Variants in PAK4 observed in about 807,000 individuals in gnomAD.
The protein encoded by PAK4 is p21 (RAC1) activated kinase 4.
A neutral mutation model predicts 53.5 loss-of-function variants in PAK4; 49 were observed. That is an observed-to-expected ratio of 0.92 (90% CI 0.73 to 1.16). The LOEUF (loss-of-function observed/expected upper bound fraction) is 1.16. PAK4 is among the 50% of genes most tolerant of loss of function. PAK4 has a pLI of 0.00. For missense variants in PAK4, 824 were observed against 850.7 expected (o/e 0.97, Z 0.39); for synonymous variants, 376 against 375.6 (o/e 1.00, Z -0.01).
chr19:39,144,586 T>C (rs1159553716), intron 1 of PAK4, among the ~76,000 whole-genome samples: 1 of 152,166 alleles, frequency 6.6e-6, no homozygotes, highest in African/African-American at 2.4e-5. Context: ...GGGACTGGGA[T>C]TGGAGCAGGA....
intron 1 of PAK4, among the ~76,000 whole-genome samples, chr19:39,139,463 C>T (rs1270305494): frequency 2.0e-5 from 3 of 152,106 alleles, no homozygotes; most frequent in African/African-American, 4.8e-5. Flanking sequence ...GGCGGCTGGA[C>T]CAGGAACACC....
intron 1 of PAK4, among the ~76,000 whole-genome samples, chr19:39,151,388 A>T (rs746857520): frequency 1.3e-5 from 2 of 152,250 alleles, no homozygotes; most frequent in Non-Finnish European, 2.9e-5. Flanking sequence ...CCGAGGGGAG[A>T]TAGGCCCTGG....
chr19:39,141,238 G>A (rs2073903914), intron 1 of PAK4, among the ~76,000 whole-genome samples: 1 of 151,946 alleles, frequency 6.6e-6, no homozygotes. Context: ...AATCCCAAAC[G>A]TCGTACAGCC....
At chr19:39,128,716 C>A (rs1247231853) in intron 1 of PAK4, among the ~76,000 whole-genome samples, 1 of 151,980 alleles carries the variant, frequency 6.6e-6, no homozygotes, top group Admixed American at 6.6e-5. Context: ...CTCCTCCTCA[C>A]CCCCCCTCCT....
intron 1 of PAK4, among the ~76,000 whole-genome samples, chr19:39,136,662 G>T (rs1177034401): frequency 1.3e-5 from 2 of 152,206 alleles, no homozygotes; most frequent in Non-Finnish European, 2.9e-5. Flanking sequence ...GTAGCCTCAG[G>T]GCATGGGGGT....
chr19:39,154,097 T>C (rs910967744), intron 1 of PAK4, among the ~76,000 whole-genome samples: 1 of 152,188 alleles, frequency 6.6e-6, no homozygotes, highest in Non-Finnish European at 1.5e-5. Flanking sequence ...CTCCCTATCA[T>C]GTGCGGTGCC....
intron 1 of PAK4, among the ~76,000 whole-genome samples, chr19:39,140,159 T>C (rs1568500984): frequency 6.6e-6 from 1 of 152,178 alleles, no homozygotes; most frequent in Non-Finnish European, 1.5e-5. Flanking sequence ...CTGCCTCTTA[T>C]CTCCCTTCCC....
chr19:39,161,263 A>G lies in PAK4; in HGVS notation c.-22-8269A>G, dbSNP rs974451014. Among the ~76,000 whole-genome samples the G allele has an allele frequency of 1.3e-5, 2 of 152,204 alleles. No homozygotes were observed. The highest frequency in any genetic ancestry group is 4.8e-5 in the African/African-American group (2 of 41,460). Reference sequence around the variant, plus strand: ...ATATGAGTCACTGACTTAGCGAGGAAGATGGCCACAGACAGGCAAACAACT... The same window carrying G: ...ATATGAGTCACTGACTTAGCGAGGAGGATGGCCACAGACAGGCAAACAACT... On this transcript the variant is annotated intron_variant, in intron 1 of 8. Coordinates refer to ENST00000358301, the Ensembl canonical transcript of PAK4. This position sits in a 1 kb window ranked among gnomAD's most constrained non-coding sequence, Gnocchi z 4.5.
rs571877994 is a variant in PAK4, at chr19:39,129,385, G to A, written c.-23+3466G>A. On this transcript the variant is annotated intron_variant, in intron 1 of 8. Transcript: ENST00000358301. ...TGGAGCTATAACCGTGCAGCAGTGG[G>A]CCTTCTGGAACGCGTGTTCCTGTAG... Among the ~76,000 whole-genome samples, 11 of 152,120 alleles carry A rather than the reference G, an allele frequency of 7.2e-5. No homozygotes were observed. The South Asian group carries it at 1.0e-3, about 14-fold the overall frequency.
Position 39,173,357 on chromosome 19 carries a change from A to G in PAK4, c.644A>G (p.His215Arg). ...ACCTACCCGAGGGCTGACACGGACCACCCATCCCGGGGTGCCCAGGTAACC... is the reference window on the plus strand; with the variant it reads ...ACCTACCCGAGGGCTGACACGGACCGCCCATCCCGGGGTGCCCAGGTAACC... Residue 215 changes from histidine to arginine, a missense_variant, in exon 3 of 9, where the codon CAC becomes CGC. Transcript: ENST00000358301. The surrounding 1 kb of genome is among the most constrained non-coding windows in gnomAD (Gnocchi z 6.9). The G allele has an allele frequency of 1.3e-6, 2 of 1,542,280 alleles. No individual in the cohort carries two copies. Among genetic ancestry groups the G allele is most frequent in the South Asian group, 1.2e-5 (1 of 82,302 alleles).
intron 1 of PAK4, among the ~76,000 whole-genome samples, chr19:39,135,396 C>T (rs1381851917): frequency 7.1e-6 from 1 of 140,398 alleles, no homozygotes; most frequent in African/African-American, 2.7e-5. Flanking sequence ...AGTGCAGCAG[C>T]GCGATCTCAG....
intron 1 of PAK4, among the ~76,000 whole-genome samples, chr19:39,147,640 A>G (rs1022081163): frequency 3.3e-5 from 5 of 152,140 alleles, no homozygotes; most frequent in African/African-American, 4.8e-5. Flanking sequence ...CCTCACCAGC[A>G]TTTGGTGTTG....
chr19:39,144,169 GATAGATA>G (rs1431748959), intron 1 of PAK4, among the ~76,000 whole-genome samples: 6 of 69,234 alleles, frequency 8.7e-5, no homozygotes, highest in Non-Finnish European at 1.8e-4. Context: ...GATTAGATTA[GATAGATA>G]GATAGATAGA....
intron 2 of PAK4, among the ~76,000 whole-genome samples, chr19:39,171,636 G>C (rs1432180779): frequency 6.6e-6 from 1 of 152,252 alleles, no homozygotes; most frequent in Non-Finnish European, 1.5e-5. Flanking sequence ...GGATTTTGTG[G>C]GATCAGTGTT....
chr19:39,175,414 G>T lies in PAK4; in HGVS notation c.1335G>T (p.Ser445=), dbSNP rs775892771. 2 of 1,611,860 alleles carry T rather than the reference G, an allele frequency of 1.2e-6. No individual in the cohort carries two copies. The highest frequency in any genetic ancestry group is 3.3e-4 in the Middle Eastern group (2 of 6,058). Residue 445 remains serine, a synonymous_variant, in exon 6 of 9, where the codon TCG becomes TCT. Coordinates refer to ENST00000358301, the Ensembl canonical transcript of PAK4. The surrounding 1 kb of genome is among the most constrained non-coding windows in gnomAD (Gnocchi z 4.7). ...TCCACCGGGACATCAAGAGCGACTCGATCCTGCTGACCCATGATGGCAGGG... is the reference window on the plus strand; with the variant it reads ...TCCACCGGGACATCAAGAGCGACTCTATCCTGCTGACCCATGATGGCAGGG...
At chr19:39,130,961 A>T (rs2073698737) in intron 1 of PAK4, among the ~76,000 whole-genome samples, 1 of 151,608 alleles carries the variant, frequency 6.6e-6, no homozygotes, top group Admixed American at 6.6e-5. Flanking sequence ...AGACGAGGGG[A>T]CAGTGATGGA....
At chr19:39,157,592 T>C (rs1600363862) in intron 1 of PAK4, among the ~76,000 whole-genome samples, 1 of 152,294 alleles carries the variant, frequency 6.6e-6, no homozygotes, top group Non-Finnish European at 1.5e-5. Flanking sequence ...TGGGGCACGC[T>C]CTGCTGGTGC....
chr19:39,151,078 G>A (rs2074086880), intron 1 of PAK4, among the ~76,000 whole-genome samples: 1 of 152,226 alleles, frequency 6.6e-6, no homozygotes, highest in African/African-American at 2.4e-5. Context: ...CAAAAATGAG[G>A]ACAGAGAGGT....
At chr19:39,131,737 C>A (rs1054076046) in intron 1 of PAK4, among the ~76,000 whole-genome samples, 15 of 152,228 alleles carry the variant, frequency 9.9e-5, no homozygotes, top group Non-Finnish European at 1.6e-4. Flanking sequence ...GGCTGGGAGG[C>A]CATCTGCTGC....
Sources: gnomAD v4.1 joint callset for allele counts (sites outside exome capture counted in the v4.1 genomes callset) on GRCh38, gnomAD v4.1.1 for gene constraint, Gnocchi (gnomAD v3.1) non-coding constraint, MANE v1.5 for transcripts, NCBI Gene and HGNC (gene_info 2026-07-23, HGNC 2026-07-21) for gene names.